Variants in SOCS2 observed in about 807,000 individuals in gnomAD.
SOCS2 encodes the protein suppressor of cytokine signaling 2, also known as CIS-2.
A neutral mutation model predicts 18.6 loss-of-function variants in SOCS2; 10 were observed. The observed-to-expected ratio is 0.54, with a 90% confidence interval of 0.33 to 0.91. The LOEUF (loss-of-function observed/expected upper bound fraction) is 0.91. Ranked by LOEUF, SOCS2 falls within the 40% of genes least tolerant of loss-of-function variation. SOCS2 has a pLI of 0.02. For missense variants in SOCS2, 231 were observed against 247.2 expected (o/e 0.93, Z 0.44); for synonymous variants, 104 against 104.0 (o/e 1.00, Z 0.00).
At chr12:93,620,343 G>T in the SOCS2 span, among the ~76,000 whole-genome samples, 1 of 152,094 alleles carries the variant, frequency 6.6e-6, no homozygotes, top group African/African-American at 2.4e-5. Flanking sequence ...GTGGACATTC[G>T]GGTGGATGGC....
chr12:93,595,996 G>A, the SOCS2 span, among the ~76,000 whole-genome samples: 1 of 152,032 alleles, frequency 6.6e-6, no homozygotes, highest in African/African-American at 2.4e-5. Context: ...CCTCACCCCT[G>A]TGTTTGCCCC....
chr12:93,585,098 TC>T (rs1954576119), downstream of SOCS2, among the ~76,000 whole-genome samples: 1 of 152,104 alleles, frequency 6.6e-6, no homozygotes, highest in Non-Finnish European at 1.5e-5. Flanking sequence ...TAGGTGTCTA[TC>T]CAGTGCAACC....
At chr12:93,610,373 T>C in the SOCS2 span, among the ~76,000 whole-genome samples, 4 of 152,146 alleles carry the variant, frequency 2.6e-5, no homozygotes, top group Non-Finnish European at 5.9e-5. Flanking sequence ...CACAACTTCC[T>C]GGACCCCCAC....
At chr12:93,588,558 T>A in the SOCS2 span, among the ~76,000 whole-genome samples, 7 of 151,338 alleles carry the variant, frequency 4.6e-5, no homozygotes, top group East Asian at 1.9e-4. Flanking sequence ...AAGGCAGCGA[T>A]GGGGAGAAGG....
downstream of SOCS2, among the ~76,000 whole-genome samples, chr12:93,579,953 C>T (rs187602795): frequency 2.0e-5 from 3 of 152,340 alleles, no homozygotes; most frequent in East Asian, 1.9e-4. Flanking sequence ...AACTTATAGG[C>T]ATTCTGACTT....
At chr12:93,615,126 T>C in the SOCS2 span, among the ~76,000 whole-genome samples, 1 of 152,082 alleles carries the variant, frequency 6.6e-6, no homozygotes, top group South Asian at 2.1e-4. Flanking sequence ...TAGGTGCCCC[T>C]TTTCTGAGCT....
At chr12:93,621,292 G>T in the SOCS2 span, among the ~76,000 whole-genome samples, 1 of 152,088 alleles carries the variant, frequency 6.6e-6, no homozygotes, top group African/African-American at 2.4e-5. Flanking sequence ...TTCTGAAGTT[G>T]CCTCAAAGCA....
downstream of SOCS2, among the ~76,000 whole-genome samples, chr12:93,580,801 A>G (rs1222454784): frequency 6.6e-6 from 1 of 152,052 alleles, no homozygotes; most frequent in African/African-American, 2.4e-5. Context: ...GTGGCCATCA[A>G]TTCTGTATTT....
At chr12:93,625,511 G>A in the SOCS2 span, among the ~76,000 whole-genome samples, 6,222 of 152,144 alleles carry the variant, frequency 0.041, 207 homozygotes, top group African/African-American at 0.087. Flanking sequence ...ACTTTGGGAG[G>A]CCCAGGCGAG....
At chr12:93,574,673 A>G in intron 1 of SOCS2, 49 bp from the exon 2 acceptor site, 2 of 1,329,088 alleles carry the variant, frequency 1.5e-6, no homozygotes, top group Non-Finnish European at 2.1e-6. Flanking sequence ...GAATTCTTAT[A>G]ATAACTGTTT....
upstream of SOCS2, chr12:93,572,575 A>T: frequency 1.8e-6 from 1 of 553,666 alleles, no homozygotes; most frequent in South Asian, 1.8e-5. This position sits in a 1 kb window ranked among gnomAD's most constrained non-coding sequence, Gnocchi z 5.0. Flanking sequence ...ATGGTGCAGG[A>T]ACGTAGAGGC....
the SOCS2 span, among the ~76,000 whole-genome samples, chr12:93,590,669 C>T: frequency 1.3e-5 from 2 of 151,172 alleles, no homozygotes; most frequent in African/African-American, 4.9e-5. Flanking sequence ...TGGCACGTGC[C>T]TGTAATCCCA....
At chr12:93,586,079 G>A (rs1954583417), downstream of SOCS2, among the ~76,000 whole-genome samples, 1 of 151,600 alleles carries the variant, frequency 6.6e-6, no homozygotes, top group South Asian at 2.1e-4. Context: ...TTTTCGTTCT[G>A]TGGTTGGTTG....
At chr12:93,587,680 A>T (rs1393857523), downstream of SOCS2, among the ~76,000 whole-genome samples, 3 of 116,418 alleles carry the variant, frequency 2.6e-5, no homozygotes, top group East Asian at 2.1e-4. Flanking sequence ...GACTCTGTCT[A>T]AAAAAAAAAA....
the SOCS2 span, among the ~76,000 whole-genome samples, chr12:93,611,425 C>A: frequency 6.6e-6 from 1 of 151,946 alleles, no homozygotes; most frequent in Non-Finnish European, 1.5e-5. Flanking sequence ...TTTGTAGAGA[C>A]GGGGTTTCAC....
At chr12:93,617,217 T>C in the SOCS2 span, among the ~76,000 whole-genome samples, 153 of 152,332 alleles carry the variant, frequency 1.0e-3, no homozygotes, top group African/African-American at 3.5e-3. Context: ...GGCCTGTTCC[T>C]GGTGGGAATC....
the SOCS2 span, among the ~76,000 whole-genome samples, chr12:93,607,580 G>A: frequency 6.6e-6 from 1 of 152,228 alleles, no homozygotes; most frequent in African/African-American, 2.4e-5. Flanking sequence ...GTAAGGAATA[G>A]GGTGAGGCAA....
chr12:93,614,427 T>C, the SOCS2 span, among the ~76,000 whole-genome samples: 3 of 78,304 alleles, frequency 3.8e-5, no homozygotes, highest in African/African-American at 1.9e-4. Context: ...CTTCCTTTCT[T>C]TCCCTTCCTT....
the SOCS2 span, among the ~76,000 whole-genome samples, chr12:93,619,602 A>C: frequency 6.6e-6 from 1 of 152,330 alleles, no homozygotes; most frequent in African/African-American, 2.4e-5. Context: ...TAATCCACAC[A>C]GGAATCCTAT....
Sources: gnomAD v4.1 joint callset for allele counts (sites outside exome capture counted in the v4.1 genomes callset) on GRCh38, gnomAD v4.1.1 for gene constraint, Gnocchi (gnomAD v3.1) non-coding constraint, MANE v1.5 for transcripts, NCBI Gene and HGNC (gene_info 2026-07-23, HGNC 2026-07-21) for gene names.